Variants in NLGN1 observed in about 807,000 individuals in gnomAD.
NLGN1 encodes neuroligin-1.
Under a neutral mutation model 65.5 loss-of-function variants are expected in NLGN1, and 12 were observed. The observed-to-expected ratio is 0.18, with a 90% CI of 0.12 to 0.30. The LOEUF (loss-of-function observed/expected upper bound fraction) is 0.30, where lower values mean the gene tolerates loss of function less well. Among genes scored for constraint, NLGN1 ranks in the 10% least tolerant of loss-of-function variants. The pLI is 1.00. For synonymous variants in NLGN1, 350 were observed against 359.5 expected (o/e 0.97, Z 0.30); for missense variants, 750 against 1,007.1 (o/e 0.74, Z 3.46).
chr3:173,588,606 C>A (rs6776595), intron 2 of NLGN1, among the ~76,000 whole-genome samples: 1,598 of 152,264 alleles, frequency 0.01, 39 homozygotes, highest in African/African-American at 0.037. Context: ...TATATGAATT[C>A]TTTTTATAAC....
chr3:173,638,374 AAT>A (rs1167570545), intron 3 of NLGN1, among the ~76,000 whole-genome samples: 5 of 124,510 alleles, frequency 4.0e-5, no homozygotes, highest in Non-Finnish European at 9.0e-5. Flanking sequence ...GTTCTGCAAA[AAT>A]CATTATAAAA....
chr3:174,012,708 G>T (rs2152444009), intron 4 of NLGN1, among the ~76,000 whole-genome samples: 1 of 152,254 alleles, frequency 6.6e-6, no homozygotes, highest in Admixed American at 6.5e-5. Context: ...ATTGGTCATA[G>T]CTGAGCCCTG....
chr3:173,527,875 G>C (rs139289497), intron 2 of NLGN1, among the ~76,000 whole-genome samples: 108 of 152,218 alleles, frequency 7.1e-4, no homozygotes, highest in Middle Eastern at 6.8e-3. Context: ...GTTTTTGTTG[G>C]TGTTGATGTT....
intron 2 of NLGN1, among the ~76,000 whole-genome samples, chr3:173,478,901 A>C (rs1726758542): frequency 6.6e-6 from 1 of 151,292 alleles, no homozygotes; most frequent in Non-Finnish European, 1.5e-5. Context: ...CGATTAAAAA[A>C]AAAAAGAAAA....
At chr3:173,681,557 T>C (rs1280700893) in intron 3 of NLGN1, among the ~76,000 whole-genome samples, 2 of 152,180 alleles carry the variant, frequency 1.3e-5, no homozygotes, top group African/African-American at 4.8e-5. Context: ...AATTGTGTAC[T>C]CCCTACCCCT....
intron 3 of NLGN1, among the ~76,000 whole-genome samples, chr3:173,775,473 T>TC (rs1780172437): frequency 6.6e-6 from 1 of 152,032 alleles, no homozygotes; most frequent in South Asian, 2.1e-4. Flanking sequence ...TCTGATGCTT[T>TC]TTTTTTTCCC....
chr3:173,523,978 T>C (rs1252821972), intron 2 of NLGN1, among the ~76,000 whole-genome samples: 1 of 148,114 alleles, frequency 6.8e-6, no homozygotes, highest in African/African-American at 2.5e-5. Context: ...TGGAGTGCAG[T>C]GGCACGATCT....
At chr3:174,228,874 A>G (rs1740193306) in intron 4 of NLGN1, among the ~76,000 whole-genome samples, 1 of 152,084 alleles carries the variant, frequency 6.6e-6, no homozygotes, top group African/African-American at 2.4e-5. Context: ...ATTTATTATA[A>G]TATAGACATT....
chr3:173,803,588 G>A (rs376152940), intron 3 of NLGN1, among the ~76,000 whole-genome samples: 45 of 152,132 alleles, frequency 3.0e-4, no homozygotes, highest in African/African-American at 5.3e-4. Flanking sequence ...AGCCTGGGCC[G>A]CAGAATGAGA....
chr3:174,276,707 A>ACAT (rs1750661593), intron 5 of NLGN1, among the ~76,000 whole-genome samples: 1 of 151,950 alleles, frequency 6.6e-6, no homozygotes, highest in African/African-American at 2.4e-5. Context: ...AACATAGTTT[A>ACAT]CATAACATTT....
intron 2 of NLGN1, among the ~76,000 whole-genome samples, chr3:173,482,356 T>G (rs1001612607): frequency 1.3e-5 from 2 of 151,948 alleles, no homozygotes; most frequent in African/African-American, 2.4e-5. Context: ...TACCATGTGA[T>G]ATAATTTTTT....
intron 4 of NLGN1, among the ~76,000 whole-genome samples, chr3:174,098,964 C>T (rs1425046058): frequency 6.6e-6 from 1 of 152,110 alleles, no homozygotes; most frequent in Non-Finnish European, 1.5e-5. Context: ...TAAATGAGAT[C>T]TCATTAAACC....
chr3:173,735,852 A>G (rs1474587642), intron 3 of NLGN1, among the ~76,000 whole-genome samples: 2 of 152,132 alleles, frequency 1.3e-5, no homozygotes, highest in Admixed American at 6.6e-5. Context: ...TACCTTTTGC[A>G]TATAAATATT....
At chr3:173,584,771 G>A (rs966743339) in intron 2 of NLGN1, 1 of 130,662 alleles carries the variant, frequency 7.7e-6, no homozygotes, top group African/African-American at 2.8e-5. Context: ...AAGTGTCCGT[G>A]GGTGAATAAA....
At chr3:174,123,122 A>G (rs1195219815) in intron 4 of NLGN1, among the ~76,000 whole-genome samples, 1 of 152,008 alleles carries the variant, frequency 6.6e-6, no homozygotes, top group East Asian at 1.9e-4. Flanking sequence ...TTTAAGGTAA[A>G]TTCACCTACC....
chr3:173,904,604 G>A (rs1738021267), intron 4 of NLGN1, among the ~76,000 whole-genome samples: 1 of 151,800 alleles, frequency 6.6e-6, no homozygotes, highest in Non-Finnish European at 1.5e-5. Flanking sequence ...AGCTGGAGGA[G>A]GATATGGAAT....
At chr3:174,209,928 G>A (rs1736148643) in intron 4 of NLGN1, among the ~76,000 whole-genome samples, 1 of 151,936 alleles carries the variant, frequency 6.6e-6, no homozygotes, top group Non-Finnish European at 1.5e-5. Context: ...ACCGCGCCTG[G>A]CTGTCTATTT....
At position 174,041,444 on chromosome 3, in the gene NLGN1, T is replaced by A. The variant is rs557927127; in HGVS notation, c.646+233612T>A. On this transcript the variant is annotated intron_variant, in intron 4 of 6. Transcript: ENST00000457714. ...CTATTATAAATAAAACTGCTATGAG[T>A]GTTATTGTACAAATATTTTTGTGAA... is the stretch of plus-strand genomic sequence containing the variant. Among the ~76,000 whole-genome samples, 4 of 152,246 alleles carry A rather than the reference T, an allele frequency of 2.6e-5. No individual in the cohort carries two copies. In the South Asian group the frequency reaches 8.3e-4, roughly 32 times the overall value.
Position 173,932,506 on chromosome 3 carries a change from T to TA in NLGN1, c.646+124689dup, listed in dbSNP as rs35391510. On this transcript the variant is annotated intron_variant, in intron 4 of 6. Transcript: ENST00000457714. Reference sequence around the variant, plus strand: ...AGAGAGAAAGGAGGTGCACATTATTTAAAAAAAAAAAAAAAGTGTGGTAGG... The same window carrying TA: ...AGAGAGAAAGGAGGTGCACATTATTTAAAAAAAAAAAAAAAAGTGTGGTAGG... Among the ~76,000 whole-genome samples, 1,028 of 142,082 alleles carry TA rather than the reference T, an allele frequency of 7.2e-3. 18 individuals are homozygous for TA. The highest frequency in any genetic ancestry group is 0.046 in the Admixed American group (651 of 14,164). The allele number at this position is 142,082 out of a possible 152,430, so 93.2% of individuals were successfully genotyped here. A position where few individuals can be genotyped will look rare whatever the true frequency, so the allele number is the denominator to read the frequency against.
Sources: allele counts gnomAD v4.1 joint callset (sites outside exome capture counted in the v4.1 genomes callset), GRCh38; gene constraint gnomAD v4.1.1; transcripts MANE v1.5; gene names NCBI Gene and HGNC (gene_info 2026-07-23, HGNC 2026-07-21).